The following CHN2 variants were observed in gnomAD, a reference collection of about 807,000 sequenced individuals.
CHN2 encodes chimerin 2, also known as beta-chimaerin.
A neutral mutation model predicts 56.3 loss-of-function variants in CHN2; 35 were observed. The observed-to-expected ratio is 0.62, with a 90% CI of 0.47 to 0.82. The LOEUF (loss-of-function observed/expected upper bound fraction) is 0.82, where lower values mean the gene tolerates loss of function less well. Among genes scored for constraint, CHN2 ranks in the 40% least tolerant of loss-of-function variants. The pLI is 0.00. For missense variants in CHN2, 491 were observed against 580.5 expected (o/e 0.85, Z 1.58); for synonymous variants, 210 against 212.8 (o/e 0.99, Z 0.12).
At chr7:29,508,165 C>G (rs150746371) in intron 11 of CHN2, among the ~76,000 whole-genome samples, 35 of 152,222 alleles carry the variant, frequency 2.3e-4, no homozygotes, top group African/African-American at 8.2e-4. Flanking sequence ...TGAGCTCATG[C>G]GTCCAGGAAT....
chr7:29,297,393 G>C (rs1323232790), intron 1 of CHN2, among the ~76,000 whole-genome samples: 1 of 151,228 alleles, frequency 6.6e-6, no homozygotes, highest in African/African-American at 2.4e-5. Context: ...TTAGCCTCCT[G>C]CTGACAGGGG....
At chr7:29,282,989 C>G (rs568457792) in intron 1 of CHN2, among the ~76,000 whole-genome samples, 11 of 152,178 alleles carry the variant, frequency 7.2e-5, no homozygotes, top group African/African-American at 2.7e-4. Flanking sequence ...AAGTGAAAGC[C>G]AAATAGCAAA....
chr7:29,263,680 A>G (rs1475188458), intron 1 of CHN2, among the ~76,000 whole-genome samples: 7 of 146,320 alleles, frequency 4.8e-5, no homozygotes, highest in Non-Finnish European at 1.1e-4. Flanking sequence ...CCCGGCCGTC[A>G]TCCCGTCTAG....
rs772321778 is a variant in CHN2 at position 29,398,465 on chromosome 7, G to A, written c.269G>A (p.Gly90Glu). 1.2e-6 allele frequency: 2 copies of A among 1,612,298 alleles called. No homozygotes were observed. The highest frequency in any genetic ancestry group is 1.1e-5 in the South Asian group (1 of 91,062). ...CTTAGAGAAAGCCAGCGGCAACCAG[G>A]ATGCTACACGCTGGCTCTCAGGTGA... ...YILRESQRQP[G>E]CYTLALRFGN... Residue 90 changes from glycine to glutamate, a missense_variant, in exon 5 of 13, where the codon GGA (glycine) becomes GAA (glutamate). Coordinates refer to ENST00000222792, the MANE Select transcript of CHN2 (RefSeq NM_004067.4).
At chr7:29,244,388 C>T (rs893139378) in intron 1 of CHN2, among the ~76,000 whole-genome samples, 1 of 152,212 alleles carries the variant, frequency 6.6e-6, no homozygotes, top group African/African-American at 2.4e-5. Context: ...TGACTGAGTC[C>T]TCCCTCAGTC....
At chr7:29,401,497 C>A (rs1802205140) in intron 6 of CHN2, among the ~76,000 whole-genome samples, 1 of 152,108 alleles carries the variant, frequency 6.6e-6, no homozygotes, top group Non-Finnish European at 1.5e-5. Context: ...TTAGTTCCAC[C>A]CAGCCGGCCA....
chr7:29,398,811 G>C (rs1002087114), intron 5 of CHN2, among the ~76,000 whole-genome samples: 1 of 147,940 alleles, frequency 6.8e-6, no homozygotes, highest in South Asian at 2.2e-4. Context: ...CATGTTGCCC[G>C]GGCTGGTCTT....
intron 1 of CHN2, among the ~76,000 whole-genome samples, chr7:29,352,337 G>A (rs573751087): frequency 6.9e-6 from 1 of 145,138 alleles, no homozygotes; most frequent in Non-Finnish European, 1.5e-5. Context: ...ATTTGCATTT[G>A]TGTGCAGTCT....
intron 6 of CHN2, among the ~76,000 whole-genome samples, chr7:29,472,191 C>CA (rs564471149): frequency 6.6e-6 from 1 of 151,540 alleles, no homozygotes; most frequent in Admixed American, 6.6e-5. Context: ...AATGCCATAG[C>CA]AAAAAACCAG....
chr7:29,417,844 C>T (rs1803932013), intron 6 of CHN2, among the ~76,000 whole-genome samples: 1 of 152,096 alleles, frequency 6.6e-6, no homozygotes, highest in South Asian at 2.1e-4. Context: ...GATGGTGCCA[C>T]GGAGAGGCCC....
chr7:29,148,847 A>C (rs1039446985), intron 2 of CHN2, among the ~76,000 whole-genome samples: 4 of 152,168 alleles, frequency 2.6e-5, no homozygotes, highest in African/African-American at 4.8e-5. Flanking sequence ...TGGGGCTGAT[A>C]AAGTGTGTGT....
At chr7:29,385,868 C>G (rs767469305) in intron 3 of CHN2, among the ~76,000 whole-genome samples, 3 of 152,180 alleles carry the variant, frequency 2.0e-5, no homozygotes, top group Non-Finnish European at 4.4e-5. Context: ...CTCGAGCACC[C>G]CTAAGCTGAT....
chr7:29,288,283 A>G (rs1367478963), intron 1 of CHN2, among the ~76,000 whole-genome samples: 1 of 152,116 alleles, frequency 6.6e-6, no homozygotes, highest in Non-Finnish European at 1.5e-5. Context: ...AACAGGCAGG[A>G]TGTGATAGCT....
At chr7:29,262,919 A>G (rs556722543) in intron 1 of CHN2, among the ~76,000 whole-genome samples, 14 of 149,148 alleles carry the variant, frequency 9.4e-5, no homozygotes, top group Admixed American at 8.0e-4. Context: ...CATCCTGCAC[A>G]TATACCCCGG....
At chr7:29,274,185 C>T (rs780102903) in intron 1 of CHN2, among the ~76,000 whole-genome samples, 11 of 152,198 alleles carry the variant, frequency 7.2e-5, no homozygotes, top group Non-Finnish European at 1.5e-4. Context: ...TGATGTTGAA[C>T]GTCCTATTGG....
intron 1 of CHN2, among the ~76,000 whole-genome samples, chr7:29,222,389 A>G (rs912670707): frequency 2.6e-5 from 4 of 152,218 alleles, no homozygotes; most frequent in African/African-American, 9.6e-5. Context: ...CCCAAAAAAG[A>G]GCCTGAATAG....
chr7:29,445,025 T>TA lies in CHN2; in HGVS notation c.577-35253dup, dbSNP rs375886035. 1,045 of 426,754 alleles carry TA rather than the reference T, an allele frequency of 2.4e-3. 6 individuals are homozygous for TA. Among genetic ancestry groups the TA allele is most frequent in the African/African-American group, 0.019 (921 of 49,524 alleles). The allele number at this position is 426,754 out of a possible 1,614,324, so 26.4% of individuals were successfully genotyped here. On this transcript the variant is annotated intron_variant, in intron 6 of 12. Coordinates refer to ENST00000222792, the MANE Select transcript of CHN2 (RefSeq NM_004067.4). ...TAGAGATCTGAGCAGAATGAAGAGATAGAGACAGAGGCTACGCAAAATTCT... is the reference window on the plus strand; with the variant it reads ...TAGAGATCTGAGCAGAATGAAGAGATAAGAGACAGAGGCTACGCAAAATTCT...
intron 1 of CHN2, among the ~76,000 whole-genome samples, chr7:29,324,054 G>A (rs1795599704): frequency 6.6e-6 from 1 of 151,908 alleles, no homozygotes; most frequent in African/African-American, 2.4e-5. Flanking sequence ...ATAGGGGGTT[G>A]AAGCTGTCCT....
chr7:29,378,875 G>A (rs1334787434), intron 3 of CHN2, among the ~76,000 whole-genome samples: 1 of 152,214 alleles, frequency 6.6e-6, no homozygotes, highest in Non-Finnish European at 1.5e-5. Flanking sequence ...TGAGGCAGGA[G>A]AATCGCTTGA....
Sources: gnomAD v4.1 joint callset for allele counts (sites outside exome capture counted in the v4.1 genomes callset) on GRCh38, gnomAD v4.1.1 for gene constraint, MANE v1.5 for transcripts, NCBI Gene and HGNC (gene_info 2026-07-23, HGNC 2026-07-21) for gene names.